POT1: variants seen among roughly 807,000 people sequenced by gnomAD.
The protein encoded by POT1 is protection of telomeres 1, also known as protection of telomeres protein 1.
Under a neutral mutation model 78.5 loss-of-function variants are expected in POT1, and 47 were observed. That is an observed-to-expected ratio of 0.60 (90% CI 0.47 to 0.76). The LOEUF is 0.76. POT1 is among the 30% of genes least tolerant of loss of function. The probability of loss-of-function intolerance (pLI) is 0.00; values close to 1 mark genes in which losing one functional copy is unlikely to be tolerated. For missense variants in POT1, 646 were observed against 749.9 expected (o/e 0.86, Z 1.62); for synonymous variants, 259 against 260.7 (o/e 0.99, Z 0.06).
chr7:124,862,900 C>T (rs1485909158), intron 8 of POT1, among the ~76,000 whole-genome samples: 6 of 152,042 alleles, frequency 3.9e-5, no homozygotes, highest in Admixed American at 3.9e-4. Flanking sequence ...ATGCAAAATG[C>T]TTCAAAACTG....
At chr7:124,885,428 C>T (rs1447227316) in intron 6 of POT1, among the ~76,000 whole-genome samples, 4 of 151,596 alleles carry the variant, frequency 2.6e-5, no homozygotes, top group Admixed American at 6.6e-5. Flanking sequence ...GCTATGATCT[C>T]GGCAGTGCAC....
At chr7:124,884,235 GA>G (rs1288402838) in intron 6 of POT1, among the ~76,000 whole-genome samples, 1 of 151,646 alleles carries the variant, frequency 6.6e-6, no homozygotes, top group Non-Finnish European at 1.5e-5. Flanking sequence ...TATAGAACAG[GA>G]AAAGAAAAAA....
intron 13 of POT1, among the ~76,000 whole-genome samples, chr7:124,842,587 T>C (rs1481696312): frequency 6.6e-6 from 1 of 152,062 alleles, no homozygotes; most frequent in Non-Finnish European, 1.5e-5. Flanking sequence ...TCAGAGTGAC[T>C]AAGCTGAATT....
At chr7:124,892,132 A>G (rs1479364911) in intron 6 of POT1, 134 bp downstream of exon 6, 4 of 541,766 alleles carry the variant, frequency 7.4e-6, no homozygotes. Context: ...GCCAAAGAAT[A>G]TGCATCAGTG....
At chr7:124,913,328 C>A (rs1015597748) in intron 3 of POT1, among the ~76,000 whole-genome samples, 1 of 152,174 alleles carries the variant, frequency 6.6e-6, no homozygotes, top group South Asian at 2.1e-4. Context: ...AATTGCTTAT[C>A]TTTTTGTTGT....
chr7:124,914,100 A>G (rs1188794284), intron 3 of POT1, among the ~76,000 whole-genome samples: 1 of 143,262 alleles, frequency 7.0e-6, no homozygotes, highest in African/African-American at 2.6e-5. Flanking sequence ...CTGCCACTGC[A>G]CTCCAGCCTG....
chr7:124,826,801 G>A (rs1220236665), intron 17 of POT1, among the ~76,000 whole-genome samples: 3 of 152,122 alleles, frequency 2.0e-5, no homozygotes, highest in African/African-American at 4.8e-5. Context: ...CCCGGGAGGC[G>A]GAGGTTGCAG....
At chr7:124,905,899 A>C (rs977140748) in intron 3 of POT1, among the ~76,000 whole-genome samples, 5 of 152,204 alleles carry the variant, frequency 3.3e-5, no homozygotes, top group Non-Finnish European at 7.3e-5. Context: ...GCTCATTATC[A>C]CTGGCCATCA....
At chr7:124,854,262 C>T (rs1049204382) in intron 9 of POT1, among the ~76,000 whole-genome samples, 1 of 151,850 alleles carries the variant, frequency 6.6e-6, no homozygotes, top group East Asian at 1.9e-4. Context: ...TTATACACAT[C>T]ACCTGAAAGT....
Position 124,877,840 on chromosome 7 carries a change from C to CAAAAA in POT1, c.125-6804_125-6800dup, listed in dbSNP as rs201285982. Among the ~76,000 whole-genome samples the CAAAAA allele has an allele frequency of 4.4e-3, 353 of 80,460 alleles. 40 individuals are homozygous for CAAAAA. The highest frequency in any genetic ancestry group is 0.01 in the African/African-American group (253 of 24,172). The allele number at this position is 80,460 out of a possible 152,430, so 52.8% of individuals were successfully genotyped here. ...TGGGCGACAGAGAGAGATTCTGTCTCAAAAAAAAAAAAAAAAAAAAAAAAA... is the reference window on the plus strand; with the variant it reads ...TGGGCGACAGAGAGAGATTCTGTCTCAAAAAAAAAAAAAAAAAAAAAAAAAAAAAA... On this transcript the variant is annotated intron_variant, in intron 6 of 18. Transcript: ENST00000357628.
At chr7:124,842,692 AAATAT>A (rs1343618167) in intron 13 of POT1, 110 bp downstream of exon 13, 9 of 794,462 alleles carry the variant, frequency 1.1e-5, no homozygotes, top group African/African-American at 7.3e-5. Context: ...CATTCTTGCA[AAATAT>A]AATATATATA....
chr7:124,927,320 T>C (rs1190265953), intron 2 of POT1, among the ~76,000 whole-genome samples: 1 of 152,198 alleles, frequency 6.6e-6, no homozygotes, highest in African/African-American at 2.4e-5. Context: ...CTCTGTTTAG[T>C]AGCAAAGACA....
At position 124,877,840 on chromosome 7, in the gene POT1, C is replaced by CAAAAAAAAAAAAAAAAAAAAAAA. The variant is rs201285982; in HGVS notation, c.125-6822_125-6800dup. On this transcript the variant is annotated intron_variant, in intron 6 of 18. Coordinates refer to ENST00000357628, the MANE Select transcript of POT1 (RefSeq NM_015450.3). ...TGGGCGACAGAGAGAGATTCTGTCTCAAAAAAAAAAAAAAAAAAAAAAAAA... is the reference window on the plus strand; with the variant it reads ...TGGGCGACAGAGAGAGATTCTGTCTCAAAAAAAAAAAAAAAAAAAAAAAAAAAAAAAAAAAAAAAAAAAAAAAA... Among the ~76,000 whole-genome samples, 7 of 80,570 alleles carry CAAAAAAAAAAAAAAAAAAAAAAA rather than the reference C, an allele frequency of 8.7e-5. 1 individual carries two copies. The highest frequency in any genetic ancestry group is 2.5e-4 in the Admixed American group (2 of 7,884). The allele number at this position is 80,570 out of a possible 152,430, so 52.9% of individuals were successfully genotyped here.
intron 3 of POT1, among the ~76,000 whole-genome samples, chr7:124,904,650 A>G (rs909765738): frequency 6.6e-6 from 1 of 152,138 alleles, no homozygotes; most frequent in Non-Finnish European, 1.5e-5. Flanking sequence ...GGCCAGGGCA[A>G]TCAGGCAGGA....
intron 13 of POT1, 60 bp from the exon 14 acceptor site, chr7:124,841,238 A>T: frequency 7.7e-7 from 1 of 1,305,392 alleles, no homozygotes; most frequent in East Asian, 2.3e-5. Context: ...GAAGATTTCC[A>T]TTTAACAAGT....
In POT1 at chr7:124,835,331, G is replaced by A; in HGVS notation, c.1453C>T (p.Leu485Phe). ...AGAAATGGTGCTGAAAGGTCCAAAA[G>A]TTCCAGGTCTTCGTGGCCAGATCTC... ...PVRSGHEDLE[L>F]LDLSAPFLIQ... Residue 485 changes from leucine to phenylalanine, a missense_variant, in exon 15 of 19, where the codon CTT becomes TTT. This residue lies in a region of POT1 where 394 missense variants were observed against 408.4 expected (regional missense o/e 0.96). Transcript: ENST00000357628. 6.2e-7 allele frequency: 1 copy of A among 1,614,072 alleles called. No homozygotes were observed. Among genetic ancestry groups the A allele is most frequent in the South Asian group, 1.1e-5 (1 of 91,062 alleles).
rs550208394 is a variant in POT1, at chr7:124,910,121, A to G, written c.-154+5453T>C. On this transcript the variant is annotated intron_variant, in intron 3 of 18. Transcript: ENST00000357628. Reference sequence around the variant, plus strand: ...TAAAAAACCTGGAAGGGTACTAAAAAAAGCATAGCAGTGTTTTTTACCTGA... The same window carrying G: ...TAAAAAACCTGGAAGGGTACTAAAAGAAGCATAGCAGTGTTTTTTACCTGA... Among the ~76,000 whole-genome samples, 210 of 152,042 alleles carry G rather than the reference A, an allele frequency of 1.4e-3. 2 individuals carry two copies. Among genetic ancestry groups the G allele is most frequent in the African/African-American group, 4.3e-3 (179 of 41,530 alleles).
intron 2 of POT1, among the ~76,000 whole-genome samples, chr7:124,926,825 CAGAAAG>C (rs1373474594): frequency 5.3e-4 from 80 of 152,240 alleles, no homozygotes; most frequent in African/African-American, 1.8e-3. Context: ...AACTGAGACA[CAGAAAG>C]AGAAATACTG....
At chr7:124,842,578 CAG>C (rs777399586) in intron 13 of POT1, among the ~76,000 whole-genome samples, 97 of 152,098 alleles carry the variant, frequency 6.4e-4, no homozygotes, top group Admixed American at 4.1e-3. Context: ...TTGCCTTTAT[CAG>C]AGTGACTAAG....
Sources: gnomAD v4.1 joint callset for allele counts (sites outside exome capture counted in the v4.1 genomes callset) on GRCh38, gnomAD v4.1.1 for gene constraint, gnomAD v4.1.1 regional missense constraint, MANE v1.5 for transcripts, NCBI Gene and HGNC (gene_info 2026-07-23, HGNC 2026-07-21) for gene names.